The following OPCML variants were observed in gnomAD, a reference collection of about 807,000 sequenced individuals.
OPCML encodes the protein opioid-binding protein/cell adhesion molecule.
Under a neutral mutation model 37.8 loss-of-function variants are expected in OPCML, and 13 were observed. That is an observed-to-expected ratio of 0.34 (90% CI 0.22 to 0.55). The LOEUF (loss-of-function observed/expected upper bound fraction) is 0.55. Ranked by LOEUF, OPCML falls within the 20% of genes least tolerant of loss-of-function variation. The pLI is 0.91. For synonymous variants in OPCML, 176 were observed against 168.8 expected, an observed-to-expected ratio of 1.04 and a Z score of -0.33; for missense variants, 341 against 435.6, an observed-to-expected ratio of 0.78 and a Z score of 1.93.
intron 3 of OPCML, among the ~76,000 whole-genome samples, chr11:132,576,551 G>A (rs1310755580): frequency 6.6e-6 from 1 of 152,004 alleles, no homozygotes; most frequent in African/African-American, 2.4e-5. Flanking sequence ...ATTGACCTTG[G>A]TAAGCCTCTA....
intron 3 of OPCML, among the ~76,000 whole-genome samples, chr11:132,563,281 T>C (rs1217171564): frequency 3.9e-5 from 6 of 152,172 alleles, no homozygotes; most frequent in African/African-American, 1.2e-4. Context: ...CACTCTGTTA[T>C]GCTGTGGGAC....
chr11:133,449,306 T>G (rs1440484707), intron 1 of OPCML, among the ~76,000 whole-genome samples: 1 of 152,244 alleles, frequency 6.6e-6, no homozygotes, highest in Non-Finnish European at 1.5e-5. Flanking sequence ...CTGTAACAAC[T>G]ACTCAGCTTT....
intron 1 of OPCML, among the ~76,000 whole-genome samples, chr11:133,042,302 C>T (rs1224706981): frequency 2.0e-5 from 3 of 152,166 alleles, no homozygotes; most frequent in South Asian, 4.1e-4. Context: ...AGTATGGCCT[C>T]GTGTGTACGG....
At chr11:132,453,279 C>G (rs567917127) in intron 4 of OPCML, among the ~76,000 whole-genome samples, 1 of 152,288 alleles carries the variant, frequency 6.6e-6, no homozygotes, top group African/African-American at 2.4e-5. Context: ...TACTACATTG[C>G]ACAGGACAGT....
At chr11:133,083,209 G>C (rs956057219) in intron 1 of OPCML, among the ~76,000 whole-genome samples, 2 of 152,212 alleles carry the variant, frequency 1.3e-5, no homozygotes, top group African/African-American at 4.8e-5. Context: ...CGCTCGCTTT[G>C]CTGCCTTTCC....
At chr11:132,654,377 A>T (rs1156816843) in intron 3 of OPCML, among the ~76,000 whole-genome samples, 1 of 151,766 alleles carries the variant, frequency 6.6e-6, no homozygotes, top group Non-Finnish European at 1.5e-5. Flanking sequence ...GTCATCATCA[A>T]GAGAAACTCC....
intron 1 of OPCML, among the ~76,000 whole-genome samples, chr11:133,458,986 T>C (rs985356113): frequency 3.9e-5 from 6 of 151,972 alleles, no homozygotes; most frequent in Non-Finnish European, 8.8e-5. Flanking sequence ...TTAATTGTTA[T>C]GTACTAGGTA....
intron 1 of OPCML, among the ~76,000 whole-genome samples, chr11:132,952,560 C>A (rs2084490612): frequency 6.6e-6 from 1 of 152,190 alleles, no homozygotes; most frequent in Admixed American, 6.5e-5. Flanking sequence ...ACCCTTAAAT[C>A]CCAACCTGCT....
intron 4 of OPCML, among the ~76,000 whole-genome samples, chr11:132,455,590 A>G (rs549604100): frequency 1.3e-5 from 2 of 152,310 alleles, no homozygotes; most frequent in East Asian, 3.9e-4. Context: ...CTTCTGTAAT[A>G]TGGATGCCAG....
At chr11:132,628,887 T>A (rs1939909482) in intron 3 of OPCML, among the ~76,000 whole-genome samples, 1 of 152,160 alleles carries the variant, frequency 6.6e-6, no homozygotes. Flanking sequence ...GAAGGATGTG[T>A]TTACTTCCCC....
At chr11:133,235,041 C>T (rs1940448314) in intron 1 of OPCML, among the ~76,000 whole-genome samples, 1 of 152,102 alleles carries the variant, frequency 6.6e-6, no homozygotes, top group Non-Finnish European at 1.5e-5. Context: ...GAATGACCGA[C>T]AGCAGTATCG....
chr11:133,185,415 G>C (rs1166718733), intron 1 of OPCML, among the ~76,000 whole-genome samples: 1 of 152,018 alleles, frequency 6.6e-6, no homozygotes, highest in East Asian at 1.9e-4. Flanking sequence ...TGTCAGCAGG[G>C]CCTCACTGAG....
chr11:133,487,225 C>T (rs187951721), intron 1 of OPCML, among the ~76,000 whole-genome samples: 2 of 152,240 alleles, frequency 1.3e-5, no homozygotes, highest in Admixed American at 1.3e-4. Flanking sequence ...AATCTTTTAT[C>T]ATGACCCCTG....
At chr11:133,388,777 C>A (rs979103452) in intron 1 of OPCML, among the ~76,000 whole-genome samples, 1 of 152,116 alleles carries the variant, frequency 6.6e-6, no homozygotes, top group Non-Finnish European at 1.5e-5. Context: ...ATAAGGATAG[C>A]TTTTAACCCA....
intron 1 of OPCML, among the ~76,000 whole-genome samples, chr11:133,415,812 C>G (rs1201770982): frequency 6.6e-6 from 1 of 152,140 alleles, no homozygotes; most frequent in Non-Finnish European, 1.5e-5. Flanking sequence ...GAGAAGGAGT[C>G]CATGCTCTTT....
At chr11:132,727,716 C>T (rs1944935624) in intron 2 of OPCML, among the ~76,000 whole-genome samples, 1 of 152,212 alleles carries the variant, frequency 6.6e-6, no homozygotes, top group Admixed American at 6.5e-5. Flanking sequence ...GGCACTTCTG[C>T]TCTGGAATCT....
At chr11:132,690,849 T>G (rs1943375523) in intron 2 of OPCML, among the ~76,000 whole-genome samples, 1 of 152,190 alleles carries the variant, frequency 6.6e-6, no homozygotes, top group African/African-American at 2.4e-5. Context: ...CTGTATGTGT[T>G]AGGTGGAAAG....
intron 2 of OPCML, among the ~76,000 whole-genome samples, chr11:132,815,702 G>A (rs576935148): frequency 6.6e-6 from 1 of 152,276 alleles, no homozygotes; most frequent in African/African-American, 2.4e-5. Context: ...CCCAAAGGAG[G>A]ACATGGGGTT....
chr11:133,111,474 G>A (rs1412450811), intron 1 of OPCML, among the ~76,000 whole-genome samples: 1 of 152,142 alleles, frequency 6.6e-6, no homozygotes, highest in South Asian at 2.1e-4. Flanking sequence ...GTTGTCCCCA[G>A]TGTTAGTTAG....
Sources: allele counts gnomAD v4.1 joint callset (sites outside exome capture counted in the v4.1 genomes callset), GRCh38; gene constraint gnomAD v4.1.1; transcripts MANE v1.5; gene names NCBI Gene and HGNC (gene_info 2026-07-23, HGNC 2026-07-21).